The following SORCS1 variants were observed in gnomAD, a reference collection of about 807,000 sequenced individuals.
SORCS1 encodes the protein VPS10 domain-containing receptor SorCS1.
SORCS1 carries 60 observed loss-of-function variants against 146.1 expected under a neutral mutation model. The observed-to-expected ratio is 0.41, with a 90% CI of 0.33 to 0.51. SORCS1 has a LOEUF of 0.51. Ranked by LOEUF, SORCS1 falls within the 20% of genes least tolerant of loss-of-function variation. The pLI is 0.21. For synonymous variants in SORCS1, 637 were observed against 584.0 expected, an observed-to-expected ratio of 1.09 and a Z score of -1.31; for missense variants, 1,352 against 1,487.6, an observed-to-expected ratio of 0.91 and a Z score of 1.50.
chr10:106,662,028 C>T (rs542161841), intron 17 of SORCS1, among the ~76,000 whole-genome samples: 2 of 152,244 alleles, frequency 1.3e-5, no homozygotes, highest in Non-Finnish European at 2.9e-5. Context: ...CTGGTGGTTA[C>T]AGCCACCTGG....
At chr10:106,785,938 G>A (rs1046658162) in intron 3 of SORCS1, among the ~76,000 whole-genome samples, 2 of 152,144 alleles carry the variant, frequency 1.3e-5, no homozygotes, top group African/African-American at 4.8e-5. Context: ...ATGAGAGGTG[G>A]AAAAGGGTCA....
At chr10:107,048,513 A>G (rs1035696165) in intron 1 of SORCS1, among the ~76,000 whole-genome samples, 2 of 152,218 alleles carry the variant, frequency 1.3e-5, no homozygotes, top group Admixed American at 6.5e-5. Flanking sequence ...GGTAGCCCCA[A>G]TGACTAGGAC....
chr10:106,857,579 G>T (rs952017872), intron 2 of SORCS1, among the ~76,000 whole-genome samples: 1 of 152,218 alleles, frequency 6.6e-6, no homozygotes, highest in African/African-American at 2.4e-5. Flanking sequence ...AGCCAAGGGC[G>T]CATTGGGTGC....
At chr10:106,725,652 C>T (rs1428982219) in intron 6 of SORCS1, among the ~76,000 whole-genome samples, 1 of 151,474 alleles carries the variant, frequency 6.6e-6, no homozygotes, top group Non-Finnish European at 1.5e-5. Flanking sequence ...AGAAAGAGGC[C>T]AGCCATGGTG....
At chr10:106,623,812 C>A (rs979169150) in intron 19 of SORCS1, among the ~76,000 whole-genome samples, 2 of 152,034 alleles carry the variant, frequency 1.3e-5, no homozygotes, top group African/African-American at 2.4e-5. Flanking sequence ...ATTACAGGGG[C>A]GTGCCACCAA....
At chr10:106,909,605 G>T (rs187301347) in intron 2 of SORCS1, among the ~76,000 whole-genome samples, 1 of 152,188 alleles carries the variant, frequency 6.6e-6, no homozygotes, top group Non-Finnish European at 1.5e-5. Flanking sequence ...AGTAGGGGGT[G>T]GTGGTGTGTG....
At chr10:107,155,004 A>G (rs59050290) in intron 1 of SORCS1, among the ~76,000 whole-genome samples, 2,038 of 152,322 alleles carry the variant, frequency 0.013, 42 homozygotes, top group African/African-American at 0.046. Context: ...GTCGGCAATT[A>G]ACCCAATAAA....
At chr10:106,609,605 T>C (rs751533872) in intron 22 of SORCS1, among the ~76,000 whole-genome samples, 11 of 152,148 alleles carry the variant, frequency 7.2e-5, no homozygotes, top group Non-Finnish European at 1.5e-4. Context: ...ATTGGGTGAC[T>C]AGGGAGCCTT....
intron 1 of SORCS1, among the ~76,000 whole-genome samples, chr10:107,001,105 T>A (rs1263236671): frequency 6.6e-6 from 1 of 152,084 alleles, no homozygotes; most frequent in African/African-American, 2.4e-5. Flanking sequence ...AATGTTAAAT[T>A]GAATCCCAAA....
At chr10:106,890,465 G>GA (rs1025536134) in intron 2 of SORCS1, among the ~76,000 whole-genome samples, 57 of 150,192 alleles carry the variant, frequency 3.8e-4, no homozygotes, top group African/African-American at 6.3e-4. Context: ...TTAAAAAGGA[G>GA]AAAAAAAAAC....
intron 1 of SORCS1, among the ~76,000 whole-genome samples, chr10:107,152,998 C>A (rs189206387): frequency 6.6e-6 from 1 of 152,226 alleles, no homozygotes; most frequent in Non-Finnish European, 1.5e-5. Context: ...TCTGCCTCTG[C>A]TCTCTGGCTT....
intron 10 of SORCS1, among the ~76,000 whole-genome samples, chr10:106,681,816 G>A (rs1279709680): frequency 2.0e-5 from 3 of 152,134 alleles, no homozygotes; most frequent in Non-Finnish European, 4.4e-5. Flanking sequence ...TTTGGTAAGG[G>A]GCAGTTGCCA....
intron 18 of SORCS1, among the ~76,000 whole-genome samples, chr10:106,649,234 G>A (rs187902183): frequency 8.6e-4 from 131 of 152,244 alleles, no homozygotes; most frequent in African/African-American, 2.6e-3. Context: ...TCTACAGACC[G>A]CAAAACAGAA....
chr10:107,133,758 C>T (rs1967044956), intron 1 of SORCS1, among the ~76,000 whole-genome samples: 1 of 152,174 alleles, frequency 6.6e-6, no homozygotes, highest in African/African-American at 2.4e-5. Flanking sequence ...AGTTTTCTAA[C>T]ATTCAGAACT....
chr10:106,619,323 G>A (rs1323660134), intron 20 of SORCS1, among the ~76,000 whole-genome samples: 3 of 152,190 alleles, frequency 2.0e-5, no homozygotes, highest in Non-Finnish European at 4.4e-5. Flanking sequence ...TTTCAGTTTA[G>A]TTATGGTTGC....
chr10:106,604,544 A>G (rs755372255), intron 23 of SORCS1, among the ~76,000 whole-genome samples: 5 of 152,284 alleles, frequency 3.3e-5, no homozygotes, highest in Admixed American at 6.5e-5. Flanking sequence ...AGGCTGATAC[A>G]CTGGCATTTT....
chr10:107,052,097 T>C (rs1960177615), intron 1 of SORCS1, among the ~76,000 whole-genome samples: 1 of 152,196 alleles, frequency 6.6e-6, no homozygotes, highest in Non-Finnish European at 1.5e-5. Context: ...ATTTAGAATT[T>C]AGTGTCATCT....
intron 18 of SORCS1, among the ~76,000 whole-genome samples, chr10:106,638,155 T>C (rs1258303575): frequency 1.3e-5 from 2 of 152,204 alleles, no homozygotes; most frequent in Non-Finnish European, 2.9e-5. Flanking sequence ...CTGTAGGAAT[T>C]ACATCAGCAG....
At chr10:106,641,997 G>A (rs1051723413) in intron 18 of SORCS1, among the ~76,000 whole-genome samples, 29 of 151,960 alleles carry the variant, frequency 1.9e-4, no homozygotes, top group African/African-American at 6.5e-4. Flanking sequence ...ATTGGCTCTT[G>A]GTAAAATATT....
Sources: allele counts gnomAD v4.1 joint callset (sites outside exome capture counted in the v4.1 genomes callset), GRCh38; gene constraint gnomAD v4.1.1; transcripts MANE v1.5; gene names NCBI Gene and HGNC (gene_info 2026-07-23, HGNC 2026-07-21).